Variants in LRTM3 observed in about 807,000 individuals in gnomAD.
The protein encoded by LRTM3 is leucine rich repeat transmembrane protein 3, also known as leucine-rich repeat transmembrane protein 3.
chr13:102,731,044 C>G, the LRTM3 span: 7 of 1,551,318 alleles, frequency 4.5e-6, no homozygotes, highest in Non-Finnish European at 5.2e-6. Flanking sequence ...CAGAAAAGTG[C>G]ATGAGGAGTT....
At chr13:102,729,492 C>G in the LRTM3 span, 3 of 1,462,402 alleles carry the variant, frequency 2.1e-6, no homozygotes, top group African/African-American at 2.9e-5. Context: ...GAGAGCGACC[C>G]CAACAACTTT....
the LRTM3 span, chr13:102,734,005 C>T: frequency 6.4e-7 from 1 of 1,551,386 alleles, no homozygotes; most frequent in Non-Finnish European, 8.7e-7. Context: ...TCCCTGAATC[C>T]AGATAAAGAG....
chr13:102,735,589 T>C, the LRTM3 span: 4 of 1,550,964 alleles, frequency 2.6e-6, no homozygotes, highest in South Asian at 1.2e-5. Context: ...AGAGTAGTAA[T>C]TGCTTTGCTT....
the LRTM3 span, chr13:102,744,429 A>T: frequency 4.5e-6 from 7 of 1,550,224 alleles, no homozygotes; most frequent in Non-Finnish European, 6.1e-6. Context: ...CGTGGTATTG[A>T]ACCAATCTTT....
chr13:102,753,886 G>A, the LRTM3 span, among the ~76,000 whole-genome samples: 11 of 152,130 alleles, frequency 7.2e-5, no homozygotes, highest in Non-Finnish European at 1.5e-4. Context: ...ATTAGTTTAG[G>A]AATGGGCATG....
At chr13:102,751,340 TATACACACACACACACACAC>T in the LRTM3 span, among the ~76,000 whole-genome samples, 1 of 115,570 alleles carries the variant, frequency 8.7e-6, no homozygotes, top group African/African-American at 3.3e-5. Flanking sequence ...TCTCTCTCTT[TATACACACACACACACACAC>T]ACACACACAC....
the LRTM3 span, chr13:102,740,782 A>G: frequency 6.5e-6 from 10 of 1,549,272 alleles, no homozygotes; most frequent in East Asian, 2.4e-4. Flanking sequence ...AAAGCAAGCC[A>G]ATTCCTTTTG....
chr13:102,749,011 T>C, the LRTM3 span: 2 of 1,550,734 alleles, frequency 1.3e-6, no homozygotes, highest in Admixed American at 2.0e-5. Context: ...TGACTTTCAC[T>C]AGTTGTTTTC....
chr13:102,754,205 C>CAAA, the LRTM3 span, among the ~76,000 whole-genome samples: 18 of 77,266 alleles, frequency 2.3e-4, no homozygotes, highest in South Asian at 1.4e-3. Flanking sequence ...ACTCCATCTC[C>CAAA]AAAAAAAAAA....
At chr13:102,730,309 C>T in the LRTM3 span, 3 of 1,551,326 alleles carry the variant, frequency 1.9e-6, no homozygotes, top group Non-Finnish European at 2.6e-6. Context: ...CTTCCAGAAA[C>T]ACACATTCCT....
At chr13:102,742,598 G>T in the LRTM3 span, 88 of 1,550,504 alleles carry the variant, frequency 5.7e-5, no homozygotes, top group African/African-American at 4.0e-4. Context: ...TTCTGCTTCT[G>T]TCTTCTGGGC....
chr13:102,747,606 G>C, the LRTM3 span: 1 of 1,550,916 alleles, frequency 6.4e-7, no homozygotes, highest in African/African-American at 1.4e-5. Flanking sequence ...GTCTTTTGGA[G>C]GTTTCCACCA....
chr13:102,733,702 C>T, the LRTM3 span: 7 of 1,551,214 alleles, frequency 4.5e-6, no homozygotes, highest in South Asian at 1.2e-5. Context: ...TGGTACCAAA[C>T]CCTGTGAAAT....
the LRTM3 span, chr13:102,737,052 T>C: frequency 1.9e-6 from 3 of 1,550,208 alleles, no homozygotes; most frequent in African/African-American, 1.4e-5. Flanking sequence ...TCTTTTATGT[T>C]TGTTAGTACT....
chr13:102,730,054 A>G, the LRTM3 span: 654 of 1,551,488 alleles, frequency 4.2e-4, 3 homozygotes, highest in Middle Eastern at 7.7e-3. Context: ...TTGATGAACT[A>G]TGACACAACC....
the LRTM3 span, chr13:102,734,290 A>G: frequency 5.2e-6 from 8 of 1,551,100 alleles, no homozygotes; most frequent in Non-Finnish European, 1.7e-6. Context: ...TTTTCTCTGT[A>G]TCTGGTAATG....
chr13:102,745,587 T>C, the LRTM3 span: 35 of 1,550,694 alleles, frequency 2.3e-5, no homozygotes, highest in Non-Finnish European at 3.0e-5. Context: ...CATTTGGGAT[T>C]CACTAAAGTT....
the LRTM3 span, chr13:102,750,413 A>C: frequency 3.2e-6 from 4 of 1,268,228 alleles, no homozygotes; most frequent in Non-Finnish European, 4.3e-6. Context: ...AACAGTGTAC[A>C]AATGAATATT....
chr13:102,731,436 C>T, the LRTM3 span: 1 of 1,551,452 alleles, frequency 6.4e-7, no homozygotes, highest in Admixed American at 2.0e-5. Context: ...GCTTTTGACT[C>T]TAAATGACTA....
Sources: gnomAD v4.1 joint callset for allele counts (sites outside exome capture counted in the v4.1 genomes callset) on GRCh38, gnomAD v4.1.1 for gene constraint, MANE v1.5 for transcripts, NCBI Gene and HGNC (gene_info 2026-07-23, HGNC 2026-07-21) for gene names.